RIGI: variants seen among roughly 807,000 people sequenced by gnomAD.
The protein encoded by RIGI is antiviral innate immune response receptor RIG-I.
chr9:32,458,271 A>G, the RIGI span, among the ~76,000 whole-genome samples: 1 of 152,248 alleles, frequency 6.6e-6, no homozygotes, highest in Non-Finnish European at 1.5e-5. Flanking sequence ...ATAGAAGGCT[A>G]ATCTGCAGAT....
chr9:32,490,219 A>G, the RIGI span, among the ~76,000 whole-genome samples: 1 of 152,298 alleles, frequency 6.6e-6, no homozygotes, highest in East Asian at 1.9e-4. Flanking sequence ...TCCAAAAAAA[A>G]TACAAAAATT....
At chr9:32,492,259 G>T in the RIGI span, 5 of 983,838 alleles carry the variant, frequency 5.1e-6, no homozygotes, top group Non-Finnish European at 5.9e-6. Flanking sequence ...CCAGAATCCA[G>T]CTTCCTGCTG....
chr9:32,512,114 T>G, the RIGI span, among the ~76,000 whole-genome samples: 1 of 152,160 alleles, frequency 6.6e-6, no homozygotes, highest in African/African-American at 2.4e-5. Context: ...ACCAGATGGA[T>G]TCACAGCTGA....
chr9:32,464,480 C>T, the RIGI span, among the ~76,000 whole-genome samples: 6 of 152,130 alleles, frequency 3.9e-5, no homozygotes, highest in Non-Finnish European at 4.4e-5. Flanking sequence ...AGCTCTGCCT[C>T]CCGGGTTCAC....
At chr9:32,495,645 T>C in the RIGI span, among the ~76,000 whole-genome samples, 1 of 150,944 alleles carries the variant, frequency 6.6e-6, no homozygotes, top group Admixed American at 6.7e-5. Flanking sequence ...TAAATGTCTA[T>C]TCAAGTCCTT....
the RIGI span, chr9:32,459,521 CA>C: frequency 8.3e-5 from 132 of 1,599,632 alleles, no homozygotes; most frequent in Non-Finnish European, 1.1e-4. Flanking sequence ...GAATCTAATG[CA>C]AAAAGAAAGA....
chr9:32,499,036 A>G, the RIGI span, among the ~76,000 whole-genome samples: 1 of 150,804 alleles, frequency 6.6e-6, no homozygotes, highest in Admixed American at 6.6e-5. Flanking sequence ...TTTAAGCCTT[A>G]GCACTGTTGG....
chr9:32,497,419 T>C, the RIGI span, among the ~76,000 whole-genome samples: 2 of 151,784 alleles, frequency 1.3e-5, no homozygotes, highest in African/African-American at 2.4e-5. Context: ...GTTCTAATAG[T>C]TTTTTCTAAA....
At chr9:32,484,400 G>A in the RIGI span, among the ~76,000 whole-genome samples, 9 of 152,138 alleles carry the variant, frequency 5.9e-5, no homozygotes, top group African/African-American at 1.2e-4. Context: ...TCTTACAGAC[G>A]TCACATTTAA....
At chr9:32,500,707 T>C in the RIGI span, 17 of 1,446,078 alleles carry the variant, frequency 1.2e-5, no homozygotes, top group Admixed American at 2.1e-5. Context: ...GCATGAACTA[T>C]AAGTGGATAC....
At chr9:32,492,394 T>G in the RIGI span, 1 of 1,614,112 alleles carries the variant, frequency 6.2e-7, no homozygotes, top group Non-Finnish European at 8.5e-7. Context: ...GTCTTACCTT[T>G]CTCTACAATC....
the RIGI span, chr9:32,492,328 G>A: frequency 6.3e-7 from 1 of 1,587,260 alleles, no homozygotes; most frequent in Non-Finnish European, 8.6e-7. Flanking sequence ...CTGATGGGAT[G>A]TAAAAGACCG....
chr9:32,487,319 G>T, the RIGI span: 1 of 737,048 alleles, frequency 1.4e-6, no homozygotes, highest in Non-Finnish European at 2.2e-6. Context: ...AGTTAGAGAG[G>T]CTAAAAAATG....
the RIGI span, chr9:32,481,290 T>C: frequency 6.4e-7 from 1 of 1,571,970 alleles, no homozygotes; most frequent in Non-Finnish European, 8.6e-7. Flanking sequence ...ACGGTGCCAC[T>C]CCCAGTAGGT....
chr9:32,474,202 CAAAAA>C, the RIGI span, among the ~76,000 whole-genome samples: 2 of 50,912 alleles, frequency 3.9e-5, no homozygotes, highest in Admixed American at 2.6e-4. Context: ...GACCCTGTCT[CAAAAA>C]AAAAAAAAAA....
chr9:32,504,069 C>CACACACACACACACACACACA, the RIGI span, among the ~76,000 whole-genome samples: 3 of 48,746 alleles, frequency 6.2e-5, no homozygotes, highest in African/African-American at 7.5e-5. Context: ...ACACACACAC[C>CACACACACACACACACACACA]CAGGTCTGCC....
chr9:32,511,102 G>T, the RIGI span, among the ~76,000 whole-genome samples: 2 of 152,128 alleles, frequency 1.3e-5, no homozygotes, highest in African/African-American at 2.4e-5. Flanking sequence ...AGTTCTTACA[G>T]ACCTACAAAG....
At chr9:32,464,673 G>A in the RIGI span, among the ~76,000 whole-genome samples, 8 of 152,150 alleles carry the variant, frequency 5.3e-5, no homozygotes, top group African/African-American at 1.2e-4. Flanking sequence ...CACCGCGCCC[G>A]GCCTTTACTA....
the RIGI span, among the ~76,000 whole-genome samples, chr9:32,490,518 C>CA: frequency 6.6e-6 from 1 of 151,518 alleles, no homozygotes; most frequent in South Asian, 2.1e-4. Context: ...CAAAACAAAA[C>CA]AAAAAAACTT....
Sources: gnomAD v4.1 joint callset for allele counts (sites outside exome capture counted in the v4.1 genomes callset) on GRCh38, gnomAD v4.1.1 for gene constraint, MANE v1.5 for transcripts, NCBI Gene and HGNC (gene_info 2026-07-23, HGNC 2026-07-21) for gene names.